Variants in MIPEP observed in about 807,000 individuals in gnomAD.
The protein encoded by MIPEP is mitochondrial intermediate peptidase.
Under a neutral mutation model 90.3 loss-of-function variants are expected in MIPEP, and 79 were observed. That is an observed-to-expected ratio of 0.87 (90% CI 0.73 to 1.05). The LOEUF (loss-of-function observed/expected upper bound fraction) is 1.05. Ranked by LOEUF, MIPEP falls within the 50% of genes least tolerant of loss-of-function variation. The pLI, the probability that MIPEP is intolerant of heterozygous loss-of-function variation, is 0.00. For missense variants in MIPEP, 940 were observed against 905.6 expected (o/e 1.04, Z -0.49); for synonymous variants, 334 against 315.8 (o/e 1.06, Z -0.61).
intron 18 of MIPEP, among the ~76,000 whole-genome samples, chr13:23,742,940 G>A (rs1952347015): frequency 6.6e-6 from 1 of 152,146 alleles, no homozygotes; most frequent in South Asian, 2.1e-4. Flanking sequence ...TTTAAAAATG[G>A]TTAAAATGGC....
rs116626876 is a variant in MIPEP at position 23,847,512 on chromosome 13, T to C, written c.1107-6024A>G. The stretch of plus-strand genomic sequence containing the variant: ...CAGAAAACTACAGACATCACGGATG[T>C]TGAGCAGTAAAACAAATTACTGAAT... On this transcript the variant is annotated intron_variant, in intron 10 of 18. Coordinates refer to ENST00000382172, the MANE Select transcript of MIPEP (RefSeq NM_005932.4). 6.6e-3 allele frequency among the ~76,000 whole-genome samples: 989 copies of C among 149,096 alleles called. 10 individuals carry two copies. Among genetic ancestry groups the C allele is most frequent in the African/African-American group, 0.023 (928 of 40,714 alleles).
At position 23,864,148 on chromosome 13, in the gene MIPEP, A is replaced by G. The variant is rs765009536; in HGVS notation, c.985T>C (p.Ser329Pro). ...AGTAGAATAAAAACTAACCTTTCAG[A>G]AAGTTTGTCAGATAGTTTTTCAAGG... is the stretch of plus-strand genomic sequence containing the variant. ...QFLEKLSDKLSERTLKDFEMI... is the reference protein window; with the variant it reads ...QFLEKLSDKLPERTLKDFEMI... The change falls in exon 8 of 19, where the codon TCT becomes CCT. Residue 329 changes from serine (S) to proline (P), a missense_variant. By Grantham distance (74) the Ser-to-Pro change is moderately conservative. Coordinates refer to ENST00000382172, the MANE Select transcript of MIPEP (RefSeq NM_005932.4). 3 of 1,554,282 alleles carry G rather than the reference A, an allele frequency of 1.9e-6. No homozygotes were observed. Among genetic ancestry groups the G allele is most frequent in the South Asian group, 2.4e-5 (2 of 83,790 alleles).
At chr13:23,812,514 G>A (rs1457272082) in intron 14 of MIPEP, among the ~76,000 whole-genome samples, 4 of 151,696 alleles carry the variant, frequency 2.6e-5, no homozygotes, top group African/African-American at 9.7e-5. Context: ...CTAACTGACT[G>A]AACAGACCCC....
intron 16 of MIPEP, among the ~76,000 whole-genome samples, chr13:23,805,247 G>C (rs1281769111): frequency 2.6e-5 from 4 of 152,056 alleles, no homozygotes; most frequent in Non-Finnish European, 5.9e-5. Context: ...TAGGAGTCAC[G>C]GTGCTCAACT....
chr13:23,842,617 A>C (rs1354419425), intron 10 of MIPEP: 1 of 152,282 alleles, frequency 6.6e-6, no homozygotes, highest in Non-Finnish European at 1.5e-5. Flanking sequence ...GCTGGCACTG[A>C]AAGAGGCAGA....
chr13:23,764,738 T>A lies in MIPEP; in HGVS notation c.1849-4521A>T, dbSNP rs535295459. On this transcript the variant is annotated intron_variant, in intron 16 of 18. Coordinates refer to ENST00000382172, the MANE Select transcript of MIPEP (RefSeq NM_005932.4). Reference sequence around the variant, plus strand: ...ATAATTGGCTAATTTTTAAAAAAAATTTTTGTAGAGATGAGGGTCTCTCTC... The same window carrying A: ...ATAATTGGCTAATTTTTAAAAAAAAATTTTGTAGAGATGAGGGTCTCTCTC... 2.9e-3 allele frequency among the ~76,000 whole-genome samples: 434 copies of A among 152,102 alleles called. 2 individuals carry two copies. Among genetic ancestry groups the A allele is most frequent in the African/African-American group, 0.01 (416 of 41,474 alleles).
intron 10 of MIPEP, among the ~76,000 whole-genome samples, chr13:23,850,642 G>GA (rs1261019293): frequency 3.3e-5 from 5 of 152,222 alleles, no homozygotes; most frequent in East Asian, 3.8e-4. Context: ...CAGTAGGCCT[G>GA]ACTTCAGTGA....
intron 10 of MIPEP, among the ~76,000 whole-genome samples, chr13:23,852,664 C>G (rs1277491893): frequency 2.6e-5 from 4 of 152,314 alleles, no homozygotes; most frequent in Admixed American, 2.6e-4. Context: ...TAATAAATGA[C>G]CATATTACTG....
intron 14 of MIPEP, among the ~76,000 whole-genome samples, chr13:23,828,990 A>G (rs1295037505): frequency 6.6e-6 from 1 of 152,236 alleles, no homozygotes; most frequent in Non-Finnish European, 1.5e-5. Flanking sequence ...CTTTGATATT[A>G]GGACAGACAG....
In MIPEP at chr13:23,775,369, T is replaced by C. The variant is rs74038743; in HGVS notation, c.1849-15152A>G. Among the ~76,000 whole-genome samples the C allele has an allele frequency of 8.5e-3, 1,300 of 152,314 alleles. 13 individuals are homozygous for C. The highest frequency in any genetic ancestry group is 0.028 in the African/African-American group (1,180 of 41,564). On this transcript the variant is annotated intron_variant, in intron 16 of 18. Coordinates refer to ENST00000382172, the MANE Select transcript of MIPEP (RefSeq NM_005932.4). ...AGCTTTCAGTCTTTCACCCTGAGTA[T>C]AATGTCAGCTGTGGGCTTTTTCTAG... is the stretch of plus-strand genomic sequence containing the variant.
chr13:23,858,210 G>A (rs1269122652), intron 10 of MIPEP, among the ~76,000 whole-genome samples: 1 of 151,700 alleles, frequency 6.6e-6, no homozygotes, highest in African/African-American at 2.4e-5. Context: ...TCTATTTCTT[G>A]GGTTTATAAC....
chr13:23,845,886 A>G (rs1475853800), intron 10 of MIPEP, among the ~76,000 whole-genome samples: 1 of 148,162 alleles, frequency 6.7e-6, no homozygotes, highest in African/African-American at 2.5e-5. Flanking sequence ...TATAGTCTAT[A>G]TTTTAGCTTC....
At chr13:23,873,253 G>A (rs371727042) in intron 5 of MIPEP, among the ~76,000 whole-genome samples, 10 of 152,208 alleles carry the variant, frequency 6.6e-5, no homozygotes, top group African/African-American at 1.4e-4. Context: ...GCTGACAGCC[G>A]GAGCACAGCC....
intron 16 of MIPEP, 141 bp from the exon 17 acceptor site, chr13:23,760,358 T>C: frequency 1.9e-6 from 2 of 1,072,198 alleles, no homozygotes; most frequent in Non-Finnish European, 1.4e-6. Flanking sequence ...ACGTCACCTA[T>C]GATATCAATA....
At chr13:23,884,113 GA>G (rs1358886159) in intron 2 of MIPEP, among the ~76,000 whole-genome samples, 20 of 152,218 alleles carry the variant, frequency 1.3e-4, no homozygotes, top group African/African-American at 4.8e-4. Flanking sequence ...TATGCTGGGT[GA>G]AAGAAGTCAG....
intron 16 of MIPEP, among the ~76,000 whole-genome samples, chr13:23,774,735 T>A (rs1351772310): frequency 2.0e-5 from 3 of 151,958 alleles, no homozygotes; most frequent in Non-Finnish European, 4.4e-5. Flanking sequence ...AAACAATTTT[T>A]GCATATTGAT....
chr13:23,777,282 TG>T (rs1282750762), intron 16 of MIPEP, among the ~76,000 whole-genome samples: 1 of 152,228 alleles, frequency 6.6e-6, no homozygotes, highest in Non-Finnish European at 1.5e-5. Context: ...AAGTCTCTAC[TG>T]ATCTTGCTTC....
chr13:23,805,600 T>C (rs1953098813), intron 16 of MIPEP, among the ~76,000 whole-genome samples: 1 of 152,202 alleles, frequency 6.6e-6, no homozygotes, highest in Non-Finnish European at 1.5e-5. Context: ...GTTAATTCTC[T>C]TTGCAATGAA....
intron 16 of MIPEP, among the ~76,000 whole-genome samples, chr13:23,789,719 T>A (rs1952881672): frequency 6.6e-6 from 1 of 152,246 alleles, no homozygotes; most frequent in Non-Finnish European, 1.5e-5. Context: ...CCCTTCTTGT[T>A]GACCCTCAGT....
Sources: gnomAD v4.1 joint callset for allele counts (sites outside exome capture counted in the v4.1 genomes callset) on GRCh38, gnomAD v4.1.1 for gene constraint, MANE v1.5 for transcripts, NCBI Gene and HGNC (gene_info 2026-07-23, HGNC 2026-07-21) for gene names.